CA3: variants seen among roughly 807,000 people sequenced by gnomAD.
The protein encoded by CA3 is carbonic anhydrase 3.
In CA3, 30 loss-of-function variants were observed where a neutral mutation model predicts 35.7. That is an observed-to-expected ratio of 0.84 (90% CI 0.63 to 1.14). The LOEUF (loss-of-function observed/expected upper bound fraction) is 1.14. Among genes scored for constraint, CA3 ranks in the 50% most tolerant of loss-of-function variants. The pLI is 0.00. For missense variants in CA3, 295 were observed against 328.5 expected (o/e 0.90, Z 0.79); for synonymous variants, 131 against 130.8 (o/e 1.00, Z -0.01).
chr8:85,442,055 A>G lies in CA3; in HGVS notation c.233-18A>G, dbSNP rs1811214204. The G allele has an allele frequency of 8.4e-7, 1 of 1,189,526 alleles. No homozygotes were observed. The highest frequency in any genetic ancestry group is 1.7e-5 in the Admixed American group (1 of 59,534). The allele number at this position is 1,189,526 out of a possible 1,614,324, so 73.7% of individuals were successfully genotyped here. Reference sequence around the variant, plus strand: ...AGAAGCATGAATTCACTGTTGACCAAGCTTATCTGAATCACAGTGCTGAGA... The same window carrying G: ...AGAAGCATGAATTCACTGTTGACCAGGCTTATCTGAATCACAGTGCTGAGA... On this transcript the variant is annotated intron_variant, in intron 2 of 6. Coordinates refer to ENST00000285381, the MANE Select transcript of CA3 (RefSeq NM_005181.4).
intron 6 of CA3, among the ~76,000 whole-genome samples, chr8:85,446,954 T>A (rs1811301110): frequency 6.6e-6 from 1 of 152,112 alleles, no homozygotes. Flanking sequence ...AAAAACAGAT[T>A]GAAGCAAGTA....
Position 85,446,267 on chromosome 8 carries a change from G to C in CA3, c.633G>C (p.Leu211=), listed in dbSNP as rs958664370. 2 of 1,613,912 alleles carry C rather than the reference G, an allele frequency of 1.2e-6. No individual in the cohort carries two copies. The highest frequency in any genetic ancestry group is 2.7e-5 in the African/African-American group (2 of 74,946). ...AGGAATGCATTGTGTGGCTGCTGCT[G>C]AAGGAGCCCATGACCGTGAGCTCTG... ...PCEECIVWLL[L]KEPMTVSSDQ... The change falls in exon 6 of 7, where the codon CTG becomes CTC. Residue 211 remains leucine, a synonymous_variant. Transcript: ENST00000285381.
chr8:85,447,996 C>T lies in CA3; in HGVS notation c.664-38C>T, dbSNP rs776625762. Reference sequence around the variant, plus strand: ...TGTCACGTAGTGTGTCCAGTTGATCCGAATGTCTTGTTAACAGTCTGCCCC... The same window carrying T: ...TGTCACGTAGTGTGTCCAGTTGATCTGAATGTCTTGTTAACAGTCTGCCCC... On this transcript the variant is annotated intron_variant, in intron 6 of 6. Transcript: ENST00000285381. The T allele has an allele frequency of 8.8e-6, 14 of 1,588,664 alleles. 1 individual carries two copies. The highest frequency in any genetic ancestry group is 4.6e-5 in the South Asian group (4 of 86,822).
chr8:85,442,406 T>G lies in CA3; in HGVS notation c.351+215T>G, dbSNP rs1811220355. 7 of 490,106 alleles carry G rather than the reference T, an allele frequency of 1.4e-5. No individual in the cohort carries two copies. The Admixed American group carries it at 2.0e-4, about 14-fold the overall frequency. 30.4% of individuals were successfully genotyped at this position (490,106 alleles called of 1,614,324 possible). ...GGTGAGTTGGCATCAAACATGAAGA[T>G]TTCCAAGGTTATGTTAAGAAACTGG... On this transcript the variant is annotated intron_variant, in intron 3 of 6. Transcript: ENST00000285381.
Position 85,444,132 on chromosome 8 carries a change from G to A in CA3, c.444+6G>A. ...TGATTGGCATTTTTCTGAAGGTAAAGTAAAAATTGACTATATATTTTCTTC... is the reference window on the plus strand; with the variant it reads ...TGATTGGCATTTTTCTGAAGGTAAAATAAAAATTGACTATATATTTTCTTC... On this transcript the variant is annotated splice_donor_region_variant and intron_variant, in intron 4 of 6. Transcript: ENST00000285381. 1 of 1,581,550 alleles carries A rather than the reference G, an allele frequency of 6.3e-7. No individual in the cohort carries two copies. Among genetic ancestry groups the A allele is most frequent in the Non-Finnish European group, 8.7e-7 (1 of 1,150,686 alleles).
At chr8:85,446,424 G>C in intron 6 of CA3, 127 bp downstream of exon 6, 1 of 1,080,874 alleles carries the variant, frequency 9.3e-7, no homozygotes, top group Non-Finnish European at 1.3e-6. Flanking sequence ...GTAATTTCAT[G>C]GTCTGCCCTG....
intron 5 of CA3, 31 bp from the exon 6 acceptor site, chr8:85,446,111 C>T: frequency 1.3e-6 from 2 of 1,570,724 alleles, no homozygotes; most frequent in Non-Finnish European, 1.7e-6. Flanking sequence ...CATGCATGCA[C>T]TCACTGCACC....
In CA3 at chr8:85,448,690, T is replaced by C. The variant is rs1003258422; in HGVS notation, c.*537T>C. On this transcript the variant is annotated 3_prime_UTR_variant, in exon 7 of 7. Coordinates refer to ENST00000285381, the MANE Select transcript of CA3 (RefSeq NM_005181.4). ...TTTAACTCTTAACACCAGCAAGAAG[T>C]CAGTCATTTATTGAAGTTTTAGCTA... 2.6e-5 allele frequency: 4 copies of C among 152,208 alleles called. No individual in the cohort carries two copies. The highest frequency in any genetic ancestry group is 9.6e-5 in the African/African-American group (4 of 41,462). 9.4% of individuals were successfully genotyped at this position (152,208 alleles called of 1,614,324 possible). A position where few individuals can be genotyped will look rare whatever the true frequency, so the allele number is the denominator to read the frequency against.
chr8:85,445,724 T>C (rs1308799995), intron 5 of CA3, among the ~76,000 whole-genome samples: 4 of 152,164 alleles, frequency 2.6e-5, no homozygotes, highest in African/African-American at 4.8e-5. Context: ...TCAAATATTA[T>C]TGAGTTTCAT....
In CA3 at chr8:85,448,118, A is replaced by G. The variant is rs190933299; in HGVS notation, c.748A>G (p.Ile250Val). ...GAGCAACTGGCGACCTCCACAGCCT[A>G]TCAATAACAGGGTGGTGAGAGCTTC... ...LVSNWRPPQP[I>V]NNRVVRASFK is the part of the protein sequence containing the mutation. Residue 250 changes from isoleucine to valine, a missense_variant, in exon 7 of 7, where the codon ATC (isoleucine) becomes GTC (valine). Ile to Val is a conservative substitution (Grantham distance 29, BLOSUM62 3). Transcript: ENST00000285381. 60 of 1,613,436 alleles carry G rather than the reference A, an allele frequency of 3.7e-5. No individual in the cohort carries two copies. Among genetic ancestry groups the G allele is most frequent in the East Asian group, 3.6e-4 (16 of 44,878 alleles).
intron 2 of CA3, 107 bp from the exon 3 acceptor site, chr8:85,441,965 CT>C: frequency 1.4e-6 from 1 of 729,216 alleles, no homozygotes; most frequent in Non-Finnish European, 2.5e-6. Context: ...ACCCAGCAAA[CT>C]GACCACATTT....
Position 85,448,897 on chromosome 8 carries a change from T to G in CA3, c.*744T>G, listed in dbSNP as rs1256533063. ...TTTCACTACATTTTTCTTTGCATGATTATTAAAATAAAAACTGCCTCTGTT... is the reference window on the plus strand; with the variant it reads ...TTTCACTACATTTTTCTTTGCATGAGTATTAAAATAAAAACTGCCTCTGTT... On this transcript the variant is annotated 3_prime_UTR_variant, in exon 7 of 7. Transcript: ENST00000285381. 6.6e-6 allele frequency: 1 copy of G among 152,222 alleles called. No homozygotes were observed. The highest frequency in any genetic ancestry group is 1.5e-5 in the Non-Finnish European group (1 of 68,046). 9.4% of individuals were successfully genotyped at this position (152,222 alleles called of 1,614,324 possible). A position where few individuals can be genotyped will look rare whatever the true frequency, so the allele number is the denominator to read the frequency against.
chr8:85,443,472 T>C (rs1219309457), intron 3 of CA3, among the ~76,000 whole-genome samples: 1 of 152,252 alleles, frequency 6.6e-6, no homozygotes, highest in Non-Finnish European at 1.5e-5. Context: ...AATTAAATTC[T>C]GTGAAACCCA....
intron 5 of CA3, among the ~76,000 whole-genome samples, chr8:85,445,570 C>T (rs547962621): frequency 5.9e-5 from 9 of 151,894 alleles, no homozygotes; most frequent in Middle Eastern, 3.4e-3. Flanking sequence ...CATACCATCA[C>T]GGAGCTACTA....
chr8:85,446,997 A>T (rs188413525), intron 6 of CA3, among the ~76,000 whole-genome samples: 1 of 152,340 alleles, frequency 6.6e-6, no homozygotes, highest in Non-Finnish European at 1.5e-5. Flanking sequence ...TAGAGCATGC[A>T]TGTACTCTAA....
At chr8:85,442,277 A>C in intron 3 of CA3, 86 bp downstream of exon 3, 1 of 789,206 alleles carries the variant, frequency 1.3e-6, no homozygotes, top group Non-Finnish European at 2.3e-6. Flanking sequence ...ACAAAGCATC[A>C]TCCACTGCTT....
At chr8:85,444,218 T>G in intron 4 of CA3, 92 bp downstream of exon 4, 1 of 755,930 alleles carries the variant, frequency 1.3e-6, no homozygotes, top group East Asian at 2.7e-5. Flanking sequence ...CATTTTTACC[T>G]TCCTCCTTTC....
Position 85,446,231 on chromosome 8 carries a change from G to C in CA3, c.597G>C (p.Thr199=), listed in dbSNP as rs545747288. The C allele has an allele frequency of 1.2e-5, 20 of 1,614,142 alleles. No homozygotes were observed. In the South Asian group the frequency reaches 1.8e-4, roughly 14 times the overall value. Residue 199 remains threonine (T), a synonymous_variant, in exon 6 of 7, where the codon ACG becomes ACC. Coordinates refer to ENST00000285381, the MANE Select transcript of CA3 (RefSeq NM_005181.4). ...DYWTYQGSFT[T]PPCEECIVWL... is the part of the protein sequence containing the mutation. ...GGACCTACCAGGGCTCATTCACCACGCCGCCCTGCGAGGAATGCATTGTGT... is the reference window on the plus strand; with the variant it reads ...GGACCTACCAGGGCTCATTCACCACCCCGCCCTGCGAGGAATGCATTGTGT...
intron 5 of CA3, among the ~76,000 whole-genome samples, 198 bp from the exon 6 acceptor site, chr8:85,445,944 G>T (rs1811282936): frequency 6.6e-6 from 1 of 152,218 alleles, no homozygotes; most frequent in African/African-American, 2.4e-5. Flanking sequence ...GACAGTGATT[G>T]TGTCAGATCA....
Sources: gnomAD v4.1 joint callset for allele counts (sites outside exome capture counted in the v4.1 genomes callset) on GRCh38, gnomAD v4.1.1 for gene constraint, MANE v1.5 for transcripts, NCBI Gene and HGNC (gene_info 2026-07-23, HGNC 2026-07-21) for gene names.